The following RIMS2 variants were observed in gnomAD, a reference collection of about 807,000 sequenced individuals.
RIMS2 encodes the protein regulating synaptic membrane exocytosis 2, also known as regulating synaptic membrane exocytosis protein 2.
In RIMS2, 59 loss-of-function variants were observed where a neutral mutation model predicts 174.4. The ratio of observed to expected loss-of-function variants is 0.34; its 90% CI spans 0.27 to 0.42. The LOEUF (loss-of-function observed/expected upper bound fraction) is 0.42. Ranked by LOEUF, RIMS2 falls within the 10% of genes least tolerant of loss-of-function variation. RIMS2 has a pLI of 1.00. For missense variants in RIMS2, 1,620 were observed against 1,666.3 expected, an observed-to-expected ratio of 0.97 and a Z score of 0.48; for synonymous variants, 606 against 572.5, an observed-to-expected ratio of 1.06 and a Z score of -0.84.
At chr8:103,591,279 T>G (rs1296569053) in intron 1 of RIMS2, among the ~76,000 whole-genome samples, 1 of 151,106 alleles carries the variant, frequency 6.6e-6, no homozygotes, top group East Asian at 1.9e-4. Context: ...AATCAATAAG[T>G]TTTTAAGTTC....
chr8:103,666,804 A>T (rs1283093528), intron 1 of RIMS2, among the ~76,000 whole-genome samples: 2 of 152,098 alleles, frequency 1.3e-5, no homozygotes, highest in African/African-American at 4.8e-5. Context: ...CGTAGGTGAG[A>T]GTGTGAGCAA....
At chr8:103,694,806 C>G (rs2137198876) in intron 1 of RIMS2, among the ~76,000 whole-genome samples, 1 of 152,260 alleles carries the variant, frequency 6.6e-6, no homozygotes, top group African/African-American at 2.4e-5. Context: ...AGCCTGAGGT[C>G]AGGGAAGCCA....
At chr8:103,699,818 C>G (rs1333032052) in intron 2 of RIMS2, among the ~76,000 whole-genome samples, 1 of 152,026 alleles carries the variant, frequency 6.6e-6, no homozygotes, top group Non-Finnish European at 1.5e-5. Flanking sequence ...TTCTCATTTT[C>G]CTTTTCTTCT....
At chr8:104,104,587 C>T (rs1032337537) in intron 19 of RIMS2, among the ~76,000 whole-genome samples, 6 of 152,008 alleles carry the variant, frequency 3.9e-5, no homozygotes, top group East Asian at 1.9e-4. Flanking sequence ...AAATAGGGTT[C>T]GGGGAGGTAA....
intron 3 of RIMS2, among the ~76,000 whole-genome samples, chr8:103,789,021 G>A (rs1564637990): frequency 6.6e-6 from 1 of 152,202 alleles, no homozygotes; most frequent in Non-Finnish European, 1.5e-5. Context: ...TCGGGTGGGA[G>A]TGACCCGATT....
At chr8:103,918,561 T>G (rs1313202378) in intron 9 of RIMS2, 74 bp downstream of exon 12, 3 of 1,008,602 alleles carry the variant, frequency 3.0e-6, no homozygotes, top group Non-Finnish European at 4.7e-6. Context: ...AGTATTTAAC[T>G]AGTAATGTGA....
At chr8:104,107,970 C>G (rs75437548) in intron 19 of RIMS2, among the ~76,000 whole-genome samples, 3 of 149,396 alleles carry the variant, frequency 2.0e-5, no homozygotes, top group African/African-American at 7.4e-5. Context: ...TTCCCCTGCC[C>G]CCCCCCCACA....
chr8:103,985,028 C>T (rs1355827135), intron 16 of RIMS2, among the ~76,000 whole-genome samples: 1 of 152,040 alleles, frequency 6.6e-6, no homozygotes, highest in East Asian at 1.9e-4. Flanking sequence ...AGGATGATTA[C>T]CAGAGGCTGG....
intron 19 of RIMS2, among the ~76,000 whole-genome samples, chr8:104,056,603 T>C (rs917398370): frequency 2.6e-5 from 4 of 152,176 alleles, no homozygotes; most frequent in Admixed American, 6.5e-5. Flanking sequence ...TTTCTTTAGC[T>C]GGGCACAGTG....
chr8:103,876,903 T>C (rs1195660646), intron 3 of RIMS2, among the ~76,000 whole-genome samples: 1,179 of 67,772 alleles, frequency 0.017, 60 homozygotes, highest in African/African-American at 0.065. Context: ...TATATATATA[T>C]ATATATACAC....
chr8:104,114,615 G>T (rs747980520), intron 19 of RIMS2, among the ~76,000 whole-genome samples: 1 of 151,708 alleles, frequency 6.6e-6, no homozygotes, highest in East Asian at 1.9e-4. Context: ...AAATTTGTTC[G>T]TAAATGTTAA....
At chr8:103,572,560 CTGTT>C (rs973826126) in intron 1 of RIMS2, among the ~76,000 whole-genome samples, 31 of 150,780 alleles carry the variant, frequency 2.1e-4, no homozygotes, top group African/African-American at 4.1e-4. Context: ...TTGCCAAAAT[CTGTT>C]TGTTTTTTTT....
rs550283573 is a variant in RIMS2 at position 104,087,766 on chromosome 8, A to C, written c.3334+73151A>C. Among the ~76,000 whole-genome samples the C allele has an allele frequency of 1.1e-4, 16 of 152,286 alleles. No homozygotes were observed. In the East Asian group the frequency reaches 3.1e-3, roughly 29 times the overall value. On this transcript the variant is annotated intron_variant, in intron 19 of 23. Transcript: ENST00000504942. ...ATTACTATACCAAACTGAAGAGGCCATCAGGCCTGAGGACCAACAAGGGAG... is the reference window on the plus strand; with the variant it reads ...ATTACTATACCAAACTGAAGAGGCCCTCAGGCCTGAGGACCAACAAGGGAG...
At chr8:103,736,292 G>T (rs528352890) in intron 2 of RIMS2, among the ~76,000 whole-genome samples, 1 of 152,252 alleles carries the variant, frequency 6.6e-6, no homozygotes, top group South Asian at 2.1e-4. Context: ...CTGGAATTCT[G>T]CAGAACAATG....
At chr8:103,548,451 T>C (rs1587413631) in intron 1 of RIMS2, among the ~76,000 whole-genome samples, 1 of 152,182 alleles carries the variant, frequency 6.6e-6, no homozygotes, top group South Asian at 2.1e-4. Flanking sequence ...GAGAAAAGTC[T>C]TTCAATAAAT....
chr8:104,071,870 A>G (rs1009514512), intron 19 of RIMS2, among the ~76,000 whole-genome samples: 2 of 152,238 alleles, frequency 1.3e-5, no homozygotes, highest in African/African-American at 4.8e-5. Context: ...TTAGGGTTTC[A>G]ACTAGAAGCC....
intron 2 of RIMS2, among the ~76,000 whole-genome samples, chr8:103,734,263 G>A (rs1383143310): frequency 6.7e-6 from 1 of 149,994 alleles, no homozygotes; most frequent in Admixed American, 6.6e-5. Context: ...TACCCACCTC[G>A]GCCTCCCAAA....
chr8:104,126,978 C>T (rs984240966), intron 19 of RIMS2, among the ~76,000 whole-genome samples: 3 of 152,082 alleles, frequency 2.0e-5, no homozygotes, highest in African/African-American at 7.2e-5. Context: ...GGCTAGTGCC[C>T]ATTCAGCTCA....
At chr8:104,215,986 G>A (rs2099128069) in intron 19 of RIMS2, among the ~76,000 whole-genome samples, 1 of 152,120 alleles carries the variant, frequency 6.6e-6, no homozygotes, top group African/African-American at 2.4e-5. Flanking sequence ...CCTTCAAAAT[G>A]TTTGGTTTAT....
Sources: allele counts gnomAD v4.1 joint callset (sites outside exome capture counted in the v4.1 genomes callset), GRCh38; gene constraint gnomAD v4.1.1; transcripts MANE v1.5; gene names NCBI Gene and HGNC (gene_info 2026-07-23, HGNC 2026-07-21).